Variants in TPO observed in about 807,000 individuals in gnomAD.
TPO encodes thyroid peroxidase.
In TPO, 78 loss-of-function variants were observed where a neutral mutation model predicts 96.9. The ratio of observed to expected loss-of-function variants is 0.81; its 90% CI spans 0.67 to 0.97. TPO has a LOEUF of 0.97. TPO is among the 50% of genes least tolerant of loss of function. TPO has a pLI of 0.00. For synonymous variants in TPO, 547 were observed against 538.0 expected (o/e 1.02, Z -0.23); for missense variants, 1,252 against 1,274.8 (o/e 0.98, Z 0.27).
intron 5 of TPO, among the ~76,000 whole-genome samples, chr2:1,439,660 C>T (rs1237587992): frequency 6.6e-6 from 1 of 152,144 alleles, no homozygotes; most frequent in Non-Finnish European, 1.5e-5. Flanking sequence ...GGTCATCAGA[C>T]CCCAGGTCGC....
chr2:1,529,918 A>ACC (rs145264507), intron 15 of TPO, among the ~76,000 whole-genome samples: 30 of 56,138 alleles, frequency 5.3e-4, no homozygotes, highest in African/African-American at 1.9e-3. Flanking sequence ...AACTCCCCAA[A>ACC]CCCCCCCCTT....
intron 1 of TPO, among the ~76,000 whole-genome samples, chr2:1,397,142 T>C (rs1662094220): frequency 6.6e-6 from 1 of 152,158 alleles, no homozygotes; most frequent in African/African-American, 2.4e-5. Context: ...GCCAGCTTTA[T>C]CTGTTTTAAG....
chr2:1,418,296 AAAAAG>A (rs1167769848), intron 2 of TPO, among the ~76,000 whole-genome samples: 3 of 150,928 alleles, frequency 2.0e-5, no homozygotes, highest in Admixed American at 1.3e-4. Context: ...AAAAAAAAAA[AAAAAG>A]AGAGAGAGAG....
chr2:1,519,033 C>T (rs370368635), intron 15 of TPO, among the ~76,000 whole-genome samples: 19 of 152,238 alleles, frequency 1.2e-4, no homozygotes, highest in East Asian at 3.9e-4. Flanking sequence ...GCCATCTTGA[C>T]GGGAAGGCAG....
chr2:1,527,788 C>A (rs1218582448), intron 15 of TPO, among the ~76,000 whole-genome samples: 1 of 142,826 alleles, frequency 7.0e-6, no homozygotes, highest in African/African-American at 2.6e-5. Flanking sequence ...GTGCAACCTC[C>A]CAAAATCCCA....
At chr2:1,412,087 C>A (rs887854854), upstream of TPO, among the ~76,000 whole-genome samples, 79 of 152,356 alleles carry the variant, frequency 5.2e-4, no homozygotes, top group African/African-American at 1.6e-3. Flanking sequence ...CTTCACCCAA[C>A]AGCTGAAAGT....
At chr2:1,440,782 T>C (rs1006712912) in intron 5 of TPO, among the ~76,000 whole-genome samples, 1 of 151,708 alleles carries the variant, frequency 6.6e-6, no homozygotes, top group African/African-American at 2.4e-5. Flanking sequence ...TGTAAGTGAA[T>C]GGAGCAGGCT....
intron 11 of TPO, among the ~76,000 whole-genome samples, chr2:1,494,964 T>C (rs1672181417): frequency 6.6e-6 from 1 of 151,984 alleles, no homozygotes; most frequent in Admixed American, 6.6e-5. Context: ...TTGTCTCCCT[T>C]ATAGCTGTGT....
At chr2:1,407,967 T>C (rs1047436044) in intron 1 of TPO, among the ~76,000 whole-genome samples, 12 of 152,238 alleles carry the variant, frequency 7.9e-5, no homozygotes, top group Non-Finnish European at 1.8e-4. Context: ...GAATCCTCCT[T>C]ACAGGAATGT....
intron 15 of TPO, among the ~76,000 whole-genome samples, chr2:1,527,729 CA>C (rs1198166202): frequency 6.8e-6 from 1 of 146,682 alleles, no homozygotes; most frequent in African/African-American, 2.6e-5. Flanking sequence ...TGTGCAACCT[CA>C]CCAAATTTCT....
intron 7 of TPO, among the ~76,000 whole-genome samples, chr2:1,463,525 T>C (rs1668631745): frequency 6.6e-6 from 1 of 152,182 alleles, no homozygotes; most frequent in Non-Finnish European, 1.5e-5. Flanking sequence ...CAATTTATCA[T>C]ATCTATGTTT....
chr2:1,386,870 T>A (rs1408983961), intron 1 of TPO, among the ~76,000 whole-genome samples: 23 of 152,238 alleles, frequency 1.5e-4, no homozygotes, highest in Non-Finnish European at 3.1e-4. Flanking sequence ...TTTCCATGTT[T>A]AGTGCTTCCT....
intron 15 of TPO, among the ~76,000 whole-genome samples, chr2:1,526,761 GTGCAACCTCCCCAAATCCCCCCCAATCTA>G (rs767298275): frequency 3.3e-3 from 332 of 100,950 alleles, no homozygotes; most frequent in East Asian, 0.032. Flanking sequence ...CCACCACTCT[GTGCAACCTCCCCAAATCCCCCCCAATCTA>G]TGCAACCTCC....
At chr2:1,508,327 G>C (rs1284885419) in intron 14 of TPO, among the ~76,000 whole-genome samples, 2 of 152,120 alleles carry the variant, frequency 1.3e-5, no homozygotes, top group East Asian at 1.9e-4. Context: ...GTTCATCAAG[G>C]ATATTGGTCT....
At chr2:1,420,216 A>G (rs1663367935) in intron 2 of TPO, among the ~76,000 whole-genome samples, 1 of 152,246 alleles carries the variant, frequency 6.6e-6, no homozygotes, top group African/African-American at 2.4e-5. Flanking sequence ...TTGAATAACA[A>G]TATATTAATA....
chr2:1,528,385 C>G (rs1276008570), intron 15 of TPO, among the ~76,000 whole-genome samples: 1 of 140,638 alleles, frequency 7.1e-6, no homozygotes, highest in African/African-American at 2.7e-5. Flanking sequence ...CCAAATCCCG[C>G]CACTGTGTGC....
At chr2:1,486,026 G>A (rs549880805) in intron 9 of TPO, among the ~76,000 whole-genome samples, 5 of 152,130 alleles carry the variant, frequency 3.3e-5, no homozygotes, top group Non-Finnish European at 5.9e-5. Context: ...GGGTTTTTAC[G>A]GTTTTAGGTC....
At chr2:1,404,374 C>T (rs1662217380) in intron 1 of TPO, among the ~76,000 whole-genome samples, 1 of 152,220 alleles carries the variant, frequency 6.6e-6, no homozygotes, top group African/African-American at 2.4e-5. Flanking sequence ...GATTCCTGCT[C>T]TCTTTTACTG....
In TPO at chr2:1,535,813, T is replaced by C. The variant is rs141430751; in HGVS notation, c.2619-4781T>C. 2.3e-3 allele frequency among the ~76,000 whole-genome samples: 185 copies of C among 81,044 alleles called. 37 individuals carry two copies. Among genetic ancestry groups the C allele is most frequent in the Non-Finnish European group, 3.7e-3 (155 of 42,160 alleles). 53.2% of individuals were successfully genotyped at this position (81,044 alleles called of 152,430 possible). Reference sequence around the variant, plus strand: ...GCAACCTCCGCCATCCCTCCCACTGTGTGCAACCTGCTCAAATCCCCAAAC... The same window carrying C: ...GCAACCTCCGCCATCCCTCCCACTGCGTGCAACCTGCTCAAATCCCCAAAC... On this transcript the variant is annotated intron_variant, in intron 15 of 16. Coordinates refer to ENST00000329066, the MANE Select transcript of TPO (RefSeq NM_001206744.2).
Sources: gnomAD v4.1 joint callset for allele counts (sites outside exome capture counted in the v4.1 genomes callset) on GRCh38, gnomAD v4.1.1 for gene constraint, MANE v1.5 for transcripts, NCBI Gene and HGNC (gene_info 2026-07-23, HGNC 2026-07-21) for gene names.